Variants in GRIK1 observed in about 807,000 individuals in gnomAD.
The protein encoded by GRIK1 is glutamate ionotropic receptor kainate type subunit 1.
A neutral mutation model predicts 105.7 loss-of-function variants in GRIK1; 69 were observed. The ratio of observed to expected loss-of-function variants is 0.65; its 90% CI spans 0.54 to 0.80. GRIK1 has a LOEUF of 0.80. Among genes scored for constraint, GRIK1 ranks in the 30% least tolerant of loss-of-function variants. The pLI is 0.00. For missense variants in GRIK1, 1,109 were observed against 1,167.3 expected (o/e 0.95, Z 0.73); for synonymous variants, 438 against 431.3 (o/e 1.02, Z -0.19).
intron 1 of GRIK1, among the ~76,000 whole-genome samples, chr21:29,777,111 C>G (rs1338261413): frequency 2.6e-5 from 4 of 152,098 alleles, no homozygotes. Context: ...CAGGCCCCAC[C>G]CTAGACCAAG....
chr21:29,612,347 G>A (rs2061747128), intron 7 of GRIK1, among the ~76,000 whole-genome samples: 1 of 152,246 alleles, frequency 6.6e-6, no homozygotes, highest in East Asian at 1.9e-4. Flanking sequence ...TTACCTTCTA[G>A]GATTTCTGTT....
At chr21:29,858,382 G>A (rs2068530488) in intron 1 of GRIK1, among the ~76,000 whole-genome samples, 1 of 152,092 alleles carries the variant, frequency 6.6e-6, no homozygotes, top group African/African-American at 2.4e-5. Context: ...GCAGTACCAG[G>A]TCCTATGTCA....
At chr21:29,568,194 C>T (rs1392531527) in intron 14 of GRIK1, among the ~76,000 whole-genome samples, 1 of 152,224 alleles carries the variant, frequency 6.6e-6, no homozygotes, top group African/African-American at 2.4e-5. Context: ...TTTTAACCTA[C>T]AGAGACCTAA....
chr21:29,591,139 G>C lies in GRIK1; in HGVS notation c.1338C>G (p.Asn446Lys), dbSNP rs773549572. The C allele has an allele frequency of 1.9e-6, 3 of 1,601,264 alleles. No homozygotes were observed. The highest frequency in any genetic ancestry group is 1.7e-5 in the Admixed American group (1 of 60,002). ...GAATGGTGGTGACAATGAGTGTTCT[G>C]TTGGCCAATGAATCAGTGATATTGC... The part of the protein sequence containing the change: ...KSSNITDSLA[N>K]RTLIVTTILE... The change falls in exon 10 of 18, where the codon AAC becomes AAG. Residue 446 changes from asparagine to lysine, a missense_variant. Transcript: ENST00000327783.
chr21:29,701,617 T>C (rs760432933), intron 1 of GRIK1, among the ~76,000 whole-genome samples: 8 of 152,004 alleles, frequency 5.3e-5, no homozygotes, highest in East Asian at 1.9e-4. Context: ...AGGAGTGAAA[T>C]GATATGACAT....
intron 14 of GRIK1, among the ~76,000 whole-genome samples, chr21:29,575,756 C>T (rs1368008105): frequency 6.6e-6 from 1 of 151,856 alleles, no homozygotes; most frequent in Non-Finnish European, 1.5e-5. Flanking sequence ...CATTTGAACC[C>T]GGAGGGTGGA....
At chr21:29,870,568 T>G (rs1322872788) in intron 1 of GRIK1, among the ~76,000 whole-genome samples, 2 of 151,806 alleles carry the variant, frequency 1.3e-5, no homozygotes, top group Non-Finnish European at 2.9e-5. Context: ...TAACTTTATG[T>G]TAAAATACGC....
At chr21:29,843,228 T>C (rs986547271) in intron 1 of GRIK1, among the ~76,000 whole-genome samples, 1 of 152,214 alleles carries the variant, frequency 6.6e-6, no homozygotes, top group African/African-American at 2.4e-5. Context: ...TCCCAGGTAA[T>C]GACTATTGCA....
intron 1 of GRIK1, among the ~76,000 whole-genome samples, chr21:29,856,771 G>T (rs1278488488): frequency 2.0e-5 from 3 of 152,194 alleles, no homozygotes; most frequent in Non-Finnish European, 4.4e-5. Flanking sequence ...GATGCAGAGT[G>T]CCTGAGAGAG....
In GRIK1 at chr21:29,778,839, C is replaced by T. The variant is rs1344730685; in HGVS notation, c.119-84776G>A. ...AATGAAGCACTTGCTGGCTTGACCACTTCTAAGAGATCATTGGCTTCTGGT... is the reference window on the plus strand; with the variant it reads ...AATGAAGCACTTGCTGGCTTGACCATTTCTAAGAGATCATTGGCTTCTGGT... On this transcript the variant is annotated intron_variant, in intron 1 of 17. Coordinates refer to ENST00000327783, the MANE Select transcript of GRIK1 (RefSeq NM_001330994.2). Among the ~76,000 whole-genome samples the T allele has an allele frequency of 4.6e-5, 7 of 152,172 alleles. No homozygotes were observed. The South Asian group carries it at 6.2e-4, about 14-fold the overall frequency.
intron 1 of GRIK1, among the ~76,000 whole-genome samples, chr21:29,727,152 C>T (rs1042941106): frequency 8.5e-5 from 13 of 152,108 alleles, no homozygotes; most frequent in African/African-American, 3.1e-4. Context: ...TCTCAAGCTC[C>T]TGAGCTCAGG....
chr21:29,541,759 C>A (rs1349243024), intron 16 of GRIK1, among the ~76,000 whole-genome samples: 2 of 151,826 alleles, frequency 1.3e-5, no homozygotes, highest in Non-Finnish European at 2.9e-5. Context: ...ACTTCTTTTG[C>A]CCAGTCCATG....
intron 1 of GRIK1, among the ~76,000 whole-genome samples, chr21:29,784,175 C>A (rs919199614): frequency 1.3e-5 from 2 of 152,122 alleles, no homozygotes; most frequent in Admixed American, 6.5e-5. Flanking sequence ...ATAAAAGAAG[C>A]TTTTTCAGTT....
intron 1 of GRIK1, among the ~76,000 whole-genome samples, chr21:29,926,644 T>C (rs1187846608): frequency 1.3e-5 from 2 of 151,752 alleles, no homozygotes; most frequent in African/African-American, 2.4e-5. Context: ...GTTTTTTGTA[T>C]ACATATAAGA....
At chr21:29,589,097 C>A (rs2061292084) in intron 10 of GRIK1, 55 bp from the exon 11 acceptor site, 1 of 948,874 alleles carries the variant, frequency 1.1e-6, no homozygotes, top group Non-Finnish European at 1.7e-6. Context: ...GAAGAGTTTA[C>A]CCTATCAGCA....
intron 1 of GRIK1, among the ~76,000 whole-genome samples, chr21:29,902,367 G>A (rs1239674905): frequency 2.0e-5 from 3 of 152,188 alleles, no homozygotes. Context: ...GTCTCTGTTT[G>A]CAGATGACAT....
At chr21:29,685,161 A>T (rs2063465469) in intron 3 of GRIK1, among the ~76,000 whole-genome samples, 1 of 152,336 alleles carries the variant, frequency 6.6e-6, no homozygotes, top group South Asian at 2.1e-4. Flanking sequence ...TTCTAAACAA[A>T]GCAATCTTTT....
chr21:29,610,507 A>G (rs1269142829), intron 7 of GRIK1, among the ~76,000 whole-genome samples: 1 of 152,168 alleles, frequency 6.6e-6, no homozygotes, highest in Non-Finnish European at 1.5e-5. Context: ...GCTACTTTCA[A>G]TTGAAAGATT....
At chr21:29,619,081 G>C (rs1266303549) in intron 7 of GRIK1, among the ~76,000 whole-genome samples, 1 of 144,022 alleles carries the variant, frequency 6.9e-6, no homozygotes, top group Non-Finnish European at 1.5e-5. Context: ...AGCCGAGATT[G>C]TGCCACTGCA....
Sources: gnomAD v4.1 joint callset for allele counts (sites outside exome capture counted in the v4.1 genomes callset) on GRCh38, gnomAD v4.1.1 for gene constraint, MANE v1.5 for transcripts, NCBI Gene and HGNC (gene_info 2026-07-23, HGNC 2026-07-21) for gene names.